Variants in IL17RA observed in about 807,000 individuals in gnomAD.
The protein encoded by IL17RA is interleukin 17 receptor A.
In IL17RA, 34 loss-of-function variants were observed where a neutral mutation model predicts 50.4. The ratio of observed to expected loss-of-function variants is 0.67; its 90% CI spans 0.51 to 0.90. IL17RA has a LOEUF of 0.90. Ranked by LOEUF, IL17RA falls within the 40% of genes least tolerant of loss-of-function variation. IL17RA has a pLI of 0.00. For missense variants in IL17RA, 1,276 were observed against 1,169.8 expected (o/e 1.09, Z -1.32); for synonymous variants, 585 against 510.4 (o/e 1.15, Z -1.97).
rs2061446873 is a variant in IL17RA at position 17,112,368 on chromosome 22, G to T, written c.*2548G>T. The T allele has an allele frequency of 6.6e-6, 1 of 152,238 alleles. No homozygotes were observed. Among genetic ancestry groups the T allele is most frequent in the African/African-American group, 2.4e-5 (1 of 41,432 alleles). The allele number at this position is 152,238 out of a possible 1,614,324, so 9.4% of individuals were successfully genotyped here. A position where few individuals can be genotyped will look rare whatever the true frequency, so the allele number is the denominator to read the frequency against. On this transcript the variant is annotated 3_prime_UTR_variant, in exon 13 of 13. Coordinates refer to ENST00000319363, the MANE Select transcript of IL17RA (RefSeq NM_014339.7). Reference sequence around the variant, plus strand: ...TTGATGCCGGTTTAGTATAGTCACAGTTCAGCAGCCATCAGCACAGTCAGT... The same window carrying T: ...TTGATGCCGGTTTAGTATAGTCACATTTCAGCAGCCATCAGCACAGTCAGT...
At chr22:17,090,002 T>C (rs1379678438) in intron 1 of IL17RA, among the ~76,000 whole-genome samples, 2 of 152,188 alleles carry the variant, frequency 1.3e-5, no homozygotes, top group African/African-American at 4.8e-5. Context: ...TTTGCTTTAT[T>C]TAAAATGTTA....
intron 4 of IL17RA, among the ~76,000 whole-genome samples, chr22:17,100,141 T>TAAAAAAAAAAAAA (rs35718705): frequency 3.3e-5 from 4 of 121,554 alleles, no homozygotes; most frequent in Non-Finnish European, 3.5e-5. Context: ...GATCCAGGTT[T>TAAAAAAAAAAAAA]AAAAAAAAAA....
In IL17RA at chr22:17,085,101, G is replaced by A. The variant is rs1464593132; in HGVS notation, c.10G>A (p.Ala4Thr). The part of the protein sequence containing the change: MGA[A>T]RSPPSAVPGP... ...CGACGCCAGCCGGGCCATGGGGGCC[G>A]CACGCAGCCCGCCGTCCGCTGTCCC... The change falls in exon 1 of 13, where the codon GCA (alanine) becomes ACA (threonine). Residue 4 changes from alanine (A) to threonine (T), a missense_variant. Transcript: ENST00000319363. 7.4e-7 allele frequency: 1 copy of A among 1,357,144 alleles called. No homozygotes were observed. Among genetic ancestry groups the A allele is most frequent in the South Asian group, 1.7e-5 (1 of 57,800 alleles). The allele number at this position is 1,357,144 out of a possible 1,614,324, so 84.1% of individuals were successfully genotyped here. A position where few individuals can be genotyped will look rare whatever the true frequency, so the allele number is the denominator to read the frequency against.
Position 17,085,177 on chromosome 22 carries a change from G to T in IL17RA, c.86G>T (p.Gly29Val), listed in dbSNP as rs2061321828. The part of the protein sequence containing the change: ...LLLLLGVLAP[G>V]GASLRLLDHR... ...CTGCTCCTGGGCGTGCTGGCCCCGG[G>T]TGGCGCCTCCCTGCGACTCCTGGAC... Residue 29 changes from glycine (G) to valine (V), a missense_variant, in exon 1 of 13, where the codon GGT becomes GTT. Gly to Val is a moderately radical substitution (Grantham distance 109). Coordinates refer to ENST00000319363, the MANE Select transcript of IL17RA (RefSeq NM_014339.7). The T allele has an allele frequency of 6.6e-7, 1 of 1,525,816 alleles. No individual in the cohort carries two copies. Among genetic ancestry groups the T allele is most frequent in the South Asian group, 1.2e-5 (1 of 82,206 alleles). 94.5% of individuals were successfully genotyped at this position (1,525,816 alleles called of 1,614,324 possible).
In IL17RA at chr22:17,108,334, C is replaced by G; in HGVS notation, c.1115C>G (p.Pro372Arg). 6.2e-7 allele frequency: 1 copy of G among 1,614,132 alleles called. No homozygotes were observed. The highest frequency in any genetic ancestry group is 8.5e-7 in the Non-Finnish European group (1 of 1,180,010). The change falls in exon 13 of 13, where the codon CCC becomes CGC. Residue 372 changes from proline (P) to arginine (R), a missense_variant. Coordinates refer to ENST00000319363, the MANE Select transcript of IL17RA (RefSeq NM_014339.7). Reference sequence around the variant, plus strand: ...GGCCTGCCTGCGGCTGACCTGATCCCCCCACCGCTGAAGCCCAGGAAGGTC... The same window carrying G: ...GGCCTGCCTGCGGCTGACCTGATCCGCCCACCGCTGAAGCCCAGGAAGGTC... ...TDGLPAADLI[P>R]PPLKPRKVWI...
At chr22:17,097,717 C>A in intron 2 of IL17RA, 80 bp from the exon 3 acceptor site, 1 of 1,581,312 alleles carries the variant, frequency 6.3e-7, no homozygotes, top group Non-Finnish European at 8.7e-7. Context: ...TGTTTGCTGT[C>A]TAGCTGTCTG....
chr22:17,090,183 T>C (rs975568780), intron 1 of IL17RA, among the ~76,000 whole-genome samples: 3 of 152,142 alleles, frequency 2.0e-5, no homozygotes, highest in Non-Finnish European at 4.4e-5. Flanking sequence ...CCTCCATGCC[T>C]GGCTAATTTT....
rs2061445072 is a variant in IL17RA at position 17,112,004 on chromosome 22, T to A, written c.*2184T>A. On this transcript the variant is annotated 3_prime_UTR_variant, in exon 13 of 13. Coordinates refer to ENST00000319363, the MANE Select transcript of IL17RA (RefSeq NM_014339.7). ...AGCAGAAGCCTCCCAGCCACTAGCC[T>A]TTTGGGCTCAGTCTCTCCAATAATC... The A allele has an allele frequency of 6.6e-6, 1 of 152,130 alleles. No homozygotes were observed. Among genetic ancestry groups the A allele is most frequent in the Non-Finnish European group, 1.5e-5 (1 of 68,036 alleles). The allele number at this position is 152,130 out of a possible 1,614,324, so 9.4% of individuals were successfully genotyped here.
chr22:17,102,200 C>T lies in IL17RA; in HGVS notation c.660C>T (p.Ser220=). 1 of 1,614,204 alleles carries T rather than the reference C, an allele frequency of 6.2e-7. No individual in the cohort carries two copies. The highest frequency in any genetic ancestry group is 8.5e-7 in the Non-Finnish European group (1 of 1,180,030). The change falls in exon 7 of 13, where the codon AGC becomes AGT. Residue 220 remains serine (S), a synonymous_variant. Transcript: ENST00000319363. ...TGGAGGCCCACCAGCTGCGTGTGAG[C>T]TTCACCCTGTGGAACGAATCTACCC... ...ETLEAHQLRV[S]FTLWNESTHY...
At position 17,108,688 on chromosome 22, in the gene IL17RA, T is replaced by TC. The variant is rs748182855; in HGVS notation, c.1470dup (p.Lys491GlnfsTer20). 3.1e-6 allele frequency: 5 copies of TC among 1,609,128 alleles called. No homozygotes were observed. The highest frequency in any genetic ancestry group is 4.2e-6 in the Non-Finnish European group (5 of 1,179,850). On this transcript the variant is annotated frameshift_variant, in exon 13 of 13. Transcript: ENST00000319363. LOFTEE classifies it low-confidence loss of function (END_TRUNC). Reference sequence around the variant, plus strand: ...GCCATGAACATGATCCTCCCGGACTTCAAGAGGCCAGCCTGCTTCGGCACC... The same window carrying TC: ...GCCATGAACATGATCCTCCCGGACTTCCAAGAGGCCAGCCTGCTTCGGCACC...
chr22:17,089,146 T>C (rs1291167926), intron 1 of IL17RA, among the ~76,000 whole-genome samples: 1 of 151,832 alleles, frequency 6.6e-6, no homozygotes, highest in African/African-American at 2.4e-5. Context: ...TTGGCCAGAC[T>C]GGTCTCGAAC....
Position 17,109,085 on chromosome 22 carries a change from C to T in IL17RA, c.1866C>T (p.Pro622=). Residue 622 remains proline, a synonymous_variant, in exon 13 of 13, where the codon CCC becomes CCT. Transcript: ENST00000319363. Reference sequence around the variant, plus strand: ...GAACCGGCATCGTGAAGCGGGCGCCCCTGGTGCGCGAGCCTGGCTCCCAGG... The same window carrying T: ...GAACCGGCATCGTGAAGCGGGCGCCTCTGGTGCGCGAGCCTGGCTCCCAGG... The part of the protein sequence containing the change: ...PPGTGIVKRA[P]LVREPGSQAC... 1 of 1,571,152 alleles carries T rather than the reference C, an allele frequency of 6.4e-7. No individual in the cohort carries two copies.
chr22:17,089,105 A>AT (rs2061338798), intron 1 of IL17RA, among the ~76,000 whole-genome samples: 1 of 151,544 alleles, frequency 6.6e-6, no homozygotes, highest in African/African-American at 2.4e-5. Context: ...CAATTTTTTA[A>AT]TTTTTTTAGT....
intron 1 of IL17RA, among the ~76,000 whole-genome samples, chr22:17,086,703 C>A (rs1005005220): frequency 6.6e-6 from 1 of 151,982 alleles, no homozygotes; most frequent in African/African-American, 2.4e-5. Flanking sequence ...GTACGGAATT[C>A]CAGGAAAAAG....
chr22:17,094,673 C>CTATATATATATATATGTGTATA lies in IL17RA; in HGVS notation c.139-2388_139-2387insATATATATATATATGTGTATAT, dbSNP rs1568917416. 2.3e-3 allele frequency among the ~76,000 whole-genome samples: 110 copies of CTATATATATATATATGTGTATA among 47,838 alleles called. 11 individuals are homozygous for CTATATATATATATATGTGTATA. The highest frequency in any genetic ancestry group is 3.5e-3 in the Non-Finnish European group (86 of 24,712). The allele number at this position is 47,838 out of a possible 152,430, so 31.4% of individuals were successfully genotyped here. ...ATACACACACTCTCTCTCTCTCTCT[C>CTATATATATATATATGTGTATA]TCTCTCTCTCTCTCTCTCTATATAT... is the stretch of plus-strand genomic sequence containing the variant. On this transcript the variant is annotated intron_variant, in intron 1 of 12. Transcript: ENST00000319363.
Position 17,100,353 on chromosome 22 carries a change from A to G in IL17RA, c.424-2A>G, listed in dbSNP as rs2061386327. On this transcript the variant is annotated splice_acceptor_variant, in intron 4 of 12. Transcript: ENST00000319363. LOFTEE classifies it high-confidence loss of function. The stretch of plus-strand genomic sequence containing the variant: ...CACCTTCCCTTCCTCCCTTCTCTTC[A>G]GTGGCGTTTTACCTTCAGCCACTTT... The G allele has an allele frequency of 6.2e-7, 1 of 1,613,994 alleles. No individual in the cohort carries two copies. The highest frequency in any genetic ancestry group is 8.5e-7 in the Non-Finnish European group (1 of 1,179,996).
rs142749896 is a variant in IL17RA at position 17,090,674 on chromosome 22, A to G, written c.138+5445A>G. On this transcript the variant is annotated intron_variant, in intron 1 of 12. Transcript: ENST00000319363. ...TATTGACTTCTAATAGATGAAAATT[A>G]CATTATCTTTCTGCCACCACTTCTC... Among the ~76,000 whole-genome samples, 429 of 152,338 alleles carry G rather than the reference A, an allele frequency of 2.8e-3. 3 individuals carry two copies. The highest frequency in any genetic ancestry group is 9.9e-3 in the African/African-American group (412 of 41,572).
intron 1 of IL17RA, 106 bp downstream of exon 1, chr22:17,085,335 G>C: frequency 6.7e-7 from 1 of 1,502,054 alleles, no homozygotes; most frequent in Non-Finnish European, 8.8e-7. Context: ...GGGGAGGCAG[G>C]AAGTCCGCGC....
chr22:17,109,026 G>T lies in IL17RA; in HGVS notation c.1807G>T (p.Glu603Ter), dbSNP rs1484936517. 7 of 1,596,036 alleles carry T rather than the reference G, an allele frequency of 4.4e-6. No homozygotes were observed. Among genetic ancestry groups the T allele is most frequent in the Non-Finnish European group, 5.9e-6 (7 of 1,178,198 alleles). The stretch of plus-strand genomic sequence containing the variant: ...TGACCAGGATGCCCCGTCCCTGGAC[G>T]AAGAGGTGTTTGAGGAGCCACTGCT... ...ADDQDAPSLD[E>*]EVFEEPLLPP... The change falls in exon 13 of 13, where the codon GAA becomes TAA. Residue 603 changes from glutamate (E) to a stop codon, truncating the protein, a stop_gained. Coordinates refer to ENST00000319363, the MANE Select transcript of IL17RA (RefSeq NM_014339.7). LOFTEE classifies it low-confidence loss of function (END_TRUNC).
Sources: allele counts gnomAD v4.1 joint callset (sites outside exome capture counted in the v4.1 genomes callset), GRCh38; gene constraint gnomAD v4.1.1; transcripts MANE v1.5; gene names NCBI Gene and HGNC (gene_info 2026-07-23, HGNC 2026-07-21).